TSC2: variants seen among roughly 807,000 people sequenced by gnomAD.
TSC2 encodes tuberin.
TSC2 carries 29 observed loss-of-function variants against 202.2 expected under a neutral mutation model. That is an observed-to-expected ratio of 0.14 (90% CI 0.11 to 0.20). The LOEUF (loss-of-function observed/expected upper bound fraction) is 0.20, where lower values mean the gene tolerates loss of function less well. Ranked by LOEUF, TSC2 falls within the 10% of genes least tolerant of loss-of-function variation. TSC2 has a pLI of 1.00. For missense variants in TSC2, 2,429 were observed against 2,420.0 expected (o/e 1.00, Z -0.08); for synonymous variants, 1,349 against 1,044.0 (o/e 1.29, Z -5.63).
chr16:2,089,401 G>C lies in TSC2; in HGVS notation c.*791G>C. On this transcript the variant is annotated 3_prime_UTR_variant, in exon 42 of 42. Transcript: ENST00000219476. The stretch of plus-strand genomic sequence containing the variant: ...CTCCCTGAAGCCAGCAGCCTTAGCA[G>C]TGGGGGACATCTGCCCAGGGGGTGG... 1 of 445,874 alleles carries C rather than the reference G, an allele frequency of 2.2e-6. No homozygotes were observed. The highest frequency in any genetic ancestry group is 4.1e-6 in the Non-Finnish European group (1 of 244,552). 27.6% of individuals were successfully genotyped at this position (445,874 alleles called of 1,614,324 possible). A position where few individuals can be genotyped will look rare whatever the true frequency, so the allele number is the denominator to read the frequency against.
In TSC2 at chr16:2,088,809, G is replaced by A; in HGVS notation, c.*199G>A. On this transcript the variant is annotated 3_prime_UTR_variant, in exon 42 of 42. Coordinates refer to ENST00000219476, the MANE Select transcript of TSC2 (RefSeq NM_000548.5). ...GCCATGCCCACAGAAGTGGTACACA[G>A]AAGCAGGCACAGCCAGCTCCGAGGG... is the stretch of plus-strand genomic sequence containing the variant. The A allele has an allele frequency of 1.4e-6, 1 of 728,014 alleles. No homozygotes were observed. Among genetic ancestry groups the A allele is most frequent in the South Asian group, 1.9e-5 (1 of 53,454 alleles). The allele number at this position is 728,014 out of a possible 1,614,324, so 45.1% of individuals were successfully genotyped here.
chr16:2,082,751 A>G, intron 32 of TSC2: 1 of 590,024 alleles, frequency 1.7e-6, no homozygotes, highest in South Asian at 1.9e-5. Flanking sequence ...GCCCAGCTTC[A>G]GGCCTGAGGG....
intron 22 of TSC2, 118 bp downstream of exon 22, chr16:2,074,507 C>G: frequency 7.7e-6 from 10 of 1,306,692 alleles, no homozygotes; most frequent in Non-Finnish European, 1.1e-5. Context: ...TCGCCTTCTG[C>G]TGCCTCAGGG....
rs876659726 is a variant in TSC2, at chr16:2,048,645, C to G, written c.30C>G (p.Gly10=). The change falls in exon 2 of 42, where the codon GGC becomes GGG. Residue 10 remains glycine, a synonymous_variant. Coordinates refer to ENST00000219476, the MANE Select transcript of TSC2 (RefSeq NM_000548.5). MAKPTSKDS[G]LKEKFKILLG... is the part of the protein sequence containing the mutation. ...CCAAACCAACAAGCAAAGATTCAGGCTTGAAGGAGAAGTTTAAGATTCTGT... is the reference window on the plus strand; with the variant it reads ...CCAAACCAACAAGCAAAGATTCAGGGTTGAAGGAGAAGTTTAAGATTCTGT... The G allele has an allele frequency of 6.2e-7, 1 of 1,613,954 alleles. No individual in the cohort carries two copies. The highest frequency in any genetic ancestry group is 8.5e-7 in the Non-Finnish European group (1 of 1,180,020).
rs2091055727 is a variant in TSC2 at position 2,087,918 on chromosome 16, T to A, written c.5045T>A (p.Leu1682Gln). The A allele has an allele frequency of 6.2e-7, 1 of 1,611,280 alleles. No homozygotes were observed. Among genetic ancestry groups the A allele is most frequent in the East Asian group, 2.2e-5 (1 of 44,494 alleles). ...ACCCCGCTGGACTACGAGTGCAACCTGGTGTCCCTGCAGTGCAGGAAAGGT... is the reference window on the plus strand; with the variant it reads ...ACCCCGCTGGACTACGAGTGCAACCAGGTGTCCCTGCAGTGCAGGAAAGGT... ...IVTPLDYECNLVSLQCRKDME... is the reference protein window; with the variant it reads ...IVTPLDYECNQVSLQCRKDME... Residue 1682 changes from leucine to glutamine, a missense_variant, in exon 39 of 42, where the codon CTG becomes CAG. Leu to Gln is a moderately radical substitution (Grantham distance 113). Coordinates refer to ENST00000219476, the MANE Select transcript of TSC2 (RefSeq NM_000548.5).
In TSC2 at chr16:2,085,265, C is replaced by T. The variant is rs1555515283; in HGVS notation, c.4605C>T (p.Asp1535=). 1 of 1,612,772 alleles carries T rather than the reference C, an allele frequency of 6.2e-7. No individual in the cohort carries two copies. Among genetic ancestry groups the T allele is most frequent in the Admixed American group, 1.7e-5 (1 of 60,028 alleles). ...QSFERSVQLL[D]QIPSYDTHKI... ...TTGAGCGGTCGGTGCAGCTCCTCGA[C>T]CAGATCCCATCATACGACACCCACA... Residue 1535 remains aspartate (D), a synonymous_variant, in exon 36 of 42, where the codon GAC becomes GAT. Coordinates refer to ENST00000219476, the MANE Select transcript of TSC2 (RefSeq NM_000548.5).
chr16:2,087,852 T>C lies in TSC2; in HGVS notation c.4990-11T>C, dbSNP rs1006709973. 14 of 1,612,368 alleles carry C rather than the reference T, an allele frequency of 8.7e-6. No individual in the cohort carries two copies. Among genetic ancestry groups the C allele is most frequent in the South Asian group, 7.7e-5 (7 of 91,016 alleles). On this transcript the variant is annotated splice_polypyrimidine_tract_variant and intron_variant, in intron 38 of 41. Coordinates refer to ENST00000219476, the MANE Select transcript of TSC2 (RefSeq NM_000548.5). ...TGTGTGCGGGGATGACCCTTTCTCTTGTCCGGGCAGGGCCAGTTCAACTTT... is the reference window on the plus strand; with the variant it reads ...TGTGTGCGGGGATGACCCTTTCTCTCGTCCGGGCAGGGCCAGTTCAACTTT...
chr16:2,062,767 C>A, intron 13 of TSC2, 167 bp downstream of exon 13: 1 of 908,852 alleles, frequency 1.1e-6, no homozygotes, highest in Non-Finnish European at 1.7e-6. Context: ...TCCAGTCCAG[C>A]AGGACAGGTC....
rs747018176 is a variant in TSC2 at position 2,087,867 on chromosome 16, A to C, written c.4994A>C (p.Gln1665Pro). The C allele has an allele frequency of 6.2e-7, 1 of 1,612,768 alleles. No individual in the cohort carries two copies. The highest frequency in any genetic ancestry group is 8.5e-7 in the Non-Finnish European group (1 of 1,179,972). ...CCCTTTCTCTTGTCCGGGCAGGGCC[A>C]GTTCAACTTTGTCCACGTGATCGTC... is the stretch of plus-strand genomic sequence containing the variant. The part of the protein sequence containing the change: ...EDFKLGTIKG[Q>P]FNFVHVIVTP... Residue 1665 changes from glutamine to proline, a missense_variant, in exon 39 of 42, where the codon CAG becomes CCG. By Grantham distance (76) the Gln-to-Pro change is moderately conservative. Coordinates refer to ENST00000219476, the MANE Select transcript of TSC2 (RefSeq NM_000548.5).
intron 32 of TSC2, chr16:2,083,369 G>C (rs1027953705): frequency 1.6e-5 from 8 of 494,956 alleles, no homozygotes; most frequent in South Asian, 9.2e-5. Context: ...CGCTCTTTTA[G>C]AGCTGAGGCC....
chr16:2,076,767 CGT>C, intron 25 of TSC2, 182 bp downstream of exon 25: 1 of 656,408 alleles, frequency 1.5e-6, no homozygotes, highest in Non-Finnish European at 2.6e-6. Flanking sequence ...GCAGGTTGGC[CGT>C]GGTGGCCTGG....
intron 16 of TSC2, among the ~76,000 whole-genome samples, chr16:2,068,403 G>A (rs2087706289): frequency 6.6e-6 from 1 of 152,140 alleles, no homozygotes; most frequent in South Asian, 2.1e-4. Flanking sequence ...GTATGGGGCT[G>A]GGAGTGCCAG....
At position 2,086,066 on chromosome 16, in the gene TSC2, G is replaced by A. The variant is rs577325729; in HGVS notation, c.4663-127G>A. On this transcript the variant is annotated intron_variant, in intron 36 of 41. Coordinates refer to ENST00000219476, the MANE Select transcript of TSC2 (RefSeq NM_000548.5). ...GTCTGGCCTGGGTGGCTGCTGGAAT[G>A]GATGGTCTTGTCTGCCTCAGGGATC... 2.7e-6 allele frequency: 3 copies of A among 1,103,306 alleles called. No individual in the cohort carries two copies. The South Asian group carries it at 4.0e-5, about 15-fold the overall frequency. The allele number at this position is 1,103,306 out of a possible 1,614,324, so 68.3% of individuals were successfully genotyped here. A position where few individuals can be genotyped will look rare whatever the true frequency, so the allele number is the denominator to read the frequency against.
rs561630495 is a variant in TSC2, at chr16:2,088,872, TGC to T, written c.*271_*272del. On this transcript the variant is annotated 3_prime_UTR_variant, in exon 42 of 42. Transcript: ENST00000219476. ...CTGGGCCATACAGCACACTCGCGCG[TGC>T]GCGCGCGCACACACACACACACACA... The T allele has an allele frequency of 4.8e-4, 240 of 500,250 alleles. 1 individual carries two copies. The highest frequency in any genetic ancestry group is 4.3e-3 in the East Asian group (127 of 29,422). 31.0% of individuals were successfully genotyped at this position (500,250 alleles called of 1,614,324 possible). A position where few individuals can be genotyped will look rare whatever the true frequency, so the allele number is the denominator to read the frequency against.
At position 2,088,152 on chromosome 16, in the gene TSC2, G is replaced by C; in HGVS notation, c.5160+13G>C. The C allele has an allele frequency of 6.2e-7, 1 of 1,613,012 alleles. No individual in the cohort carries two copies. The highest frequency in any genetic ancestry group is 8.5e-7 in the Non-Finnish European group (1 of 1,179,992). ...CCTGCACGCAAATGTGAGTGGGGGT[G>C]GGTCCAGGCGTGAGCTGGTGGGACA... is the stretch of plus-strand genomic sequence containing the variant. On this transcript the variant is annotated intron_variant, in intron 40 of 41. Transcript: ENST00000219476.
chr16:2,059,596 C>T (rs578198279), intron 10 of TSC2, among the ~76,000 whole-genome samples: 3 of 147,752 alleles, frequency 2.0e-5, no homozygotes, highest in East Asian at 2.0e-4. Context: ...CTTGGCTCAG[C>T]GCAACCTCCG....
At position 2,048,061 on chromosome 16, in the gene TSC2, GCGGGGTAAGTGGCGGTCCCCA is replaced by G. The variant is rs2084563490; in HGVS notation, c.-30+2_-30+22del. 4 of 1,424,710 alleles carry G rather than the reference GCGGGGTAAGTGGCGGTCCCCA, an allele frequency of 2.8e-6. No individual in the cohort carries two copies. Among genetic ancestry groups the G allele is most frequent in the Non-Finnish European group, 3.6e-6 (4 of 1,096,592 alleles). The allele number at this position is 1,424,710 out of a possible 1,614,324, so 88.3% of individuals were successfully genotyped here. A position where few individuals can be genotyped will look rare whatever the true frequency, so the allele number is the denominator to read the frequency against. ...GCGGCCCGGAGCGCGGTGGCGCGGC[GCGGGGTAAGTGGCGGTCCCCA>G]CGGGGCAAGTGGCGGTCCCCACGGG... On this transcript the variant is annotated splice_donor_variant and splice_donor_5th_base_variant and 5_prime_UTR_variant and intron_variant, in exon 1 of 42. Coordinates refer to ENST00000219476, the MANE Select transcript of TSC2 (RefSeq NM_000548.5). LOFTEE classifies it low-confidence loss of function (5UTR_SPLICE).
At chr16:2,077,989 A>G (rs1204123087) in intron 26 of TSC2, among the ~76,000 whole-genome samples, 1 of 152,126 alleles carries the variant, frequency 6.6e-6, no homozygotes, top group African/African-American at 2.4e-5. Context: ...CAGCCTCCCC[A>G]GGCTGTCCCC....
At chr16:2,066,969 A>G (rs940425982) in intron 16 of TSC2, among the ~76,000 whole-genome samples, 1 of 151,230 alleles carries the variant, frequency 6.6e-6, no homozygotes, top group Non-Finnish European at 1.5e-5. Flanking sequence ...GCCTGCCTCT[A>G]CTTTTCAAAG....
Sources: gnomAD v4.1 joint callset for allele counts (sites outside exome capture counted in the v4.1 genomes callset) on GRCh38, gnomAD v4.1.1 for gene constraint, MANE v1.5 for transcripts, NCBI Gene and HGNC (gene_info 2026-07-23, HGNC 2026-07-21) for gene names.